Variants in JAKMIP2 observed in about 807,000 individuals in gnomAD.
JAKMIP2 encodes janus kinase and microtubule-interacting protein 2.
A neutral mutation model predicts 115.0 loss-of-function variants in JAKMIP2; 25 were observed. The ratio of observed to expected loss-of-function variants is 0.22; its 90% CI spans 0.16 to 0.30. The LOEUF is 0.30. JAKMIP2 is among the 10% of genes least tolerant of loss of function. JAKMIP2 has a pLI of 1.00. For missense variants in JAKMIP2, 642 were observed against 957.6 expected, an observed-to-expected ratio of 0.67 and a Z score of 4.35; for synonymous variants, 334 against 343.6, an observed-to-expected ratio of 0.97 and a Z score of 0.31.
At chr5:147,615,733 C>G (rs1756536511) in intron 19 of JAKMIP2, among the ~76,000 whole-genome samples, 1 of 152,068 alleles carries the variant, frequency 6.6e-6, no homozygotes, top group Non-Finnish European at 1.5e-5. Context: ...CATTTTATAA[C>G]CATCTATGGG....
Position 147,642,157 on chromosome 5 carries a change from G to A in JAKMIP2, c.1225-393C>T, listed in dbSNP as rs191065272. The stretch of plus-strand genomic sequence containing the variant: ...TACAATTTCACAATAAAGTAAAACC[G>A]TATTCTTTTCATTTAGTCATTTGAA... On this transcript the variant is annotated intron_variant, in intron 7 of 21. Transcript: ENST00000616793. Among the ~76,000 whole-genome samples the A allele has an allele frequency of 2.7e-3, 411 of 152,186 alleles. 1 individual carries two copies. The highest frequency in any genetic ancestry group is 4.3e-3 in the Non-Finnish European group (295 of 67,998).
chr5:147,708,362 TGAA>T (rs1752658110), intron 1 of JAKMIP2, among the ~76,000 whole-genome samples: 2 of 152,170 alleles, frequency 1.3e-5, no homozygotes, highest in South Asian at 4.1e-4. Context: ...CATATAAATC[TGAA>T]CTGGAAGCTC....
At chr5:147,645,177 T>C (rs1758075966) in intron 5 of JAKMIP2, among the ~76,000 whole-genome samples, 181 bp from the exon 6 acceptor site, 1 of 152,150 alleles carries the variant, frequency 6.6e-6, no homozygotes, top group African/African-American at 2.4e-5. Context: ...TCTTTTCAGT[T>C]TTCTCTAACG....
intron 1 of JAKMIP2, among the ~76,000 whole-genome samples, chr5:147,726,135 C>T (rs187529265): frequency 7.6e-4 from 116 of 152,266 alleles, no homozygotes; most frequent in African/African-American, 2.6e-3. Flanking sequence ...CCATCTTGCC[C>T]AGACACCACA....
chr5:147,676,917 C>T (rs975397652), intron 1 of JAKMIP2, among the ~76,000 whole-genome samples: 2 of 152,184 alleles, frequency 1.3e-5, no homozygotes, highest in Admixed American at 6.5e-5. Flanking sequence ...GGTCTAGTTA[C>T]ATCAAAATCT....
rs1485235287 is a variant in JAKMIP2, at chr5:147,702,650, AAGAAAGAAAGAAAGAG to A, written c.-148-30712_-148-30697del. 2.8e-3 allele frequency among the ~76,000 whole-genome samples: 319 copies of A among 111,992 alleles called. 3 individuals are homozygous for A. The highest frequency in any genetic ancestry group is 8.6e-3 in the Middle Eastern group (2 of 232). 73.5% of individuals were successfully genotyped at this position (111,992 alleles called of 152,430 possible). A position where few individuals can be genotyped will look rare whatever the true frequency, so the allele number is the denominator to read the frequency against. ...AAAGAAAGAAAGAAAGAAAGAAAGA[AAGAAAGAAAGAAAGAG>A]AGAGAAAGAAAGAGAAAGAAAGAAA... On this transcript the variant is annotated intron_variant, in intron 1 of 21. Transcript: ENST00000616793.
At chr5:147,721,290 T>C (rs1219508043) in intron 1 of JAKMIP2, among the ~76,000 whole-genome samples, 3 of 152,170 alleles carry the variant, frequency 2.0e-5, no homozygotes, top group Non-Finnish European at 2.9e-5. Context: ...CAGAGGTTAC[T>C]GCTGTCTTTT....
intron 1 of JAKMIP2, among the ~76,000 whole-genome samples, chr5:147,729,664 C>T (rs374902486): frequency 1.8e-4 from 27 of 151,790 alleles, no homozygotes; most frequent in East Asian, 1.2e-3. Flanking sequence ...GTCCCAGCTA[C>T]TCGGGAGGCT....
At chr5:147,745,281 C>T (rs11950996) in intron 1 of JAKMIP2, among the ~76,000 whole-genome samples, 21,643 of 152,076 alleles carry the variant, frequency 0.14, 2,315 homozygotes, top group East Asian at 0.39. Flanking sequence ...TATTTTAAGA[C>T]TAAGCTGTCT....
At chr5:147,658,321 G>A (rs920475105) in intron 3 of JAKMIP2, among the ~76,000 whole-genome samples, 24 of 152,134 alleles carry the variant, frequency 1.6e-4, no homozygotes, top group Admixed American at 3.9e-4. Flanking sequence ...GACCCTTATT[G>A]CCTAGATATC....
intron 1 of JAKMIP2, among the ~76,000 whole-genome samples, chr5:147,739,660 C>T (rs934917412): frequency 6.6e-6 from 1 of 152,010 alleles, no homozygotes; most frequent in Admixed American, 6.5e-5. Flanking sequence ...GAAGCAGCAT[C>T]ATGGTTCAAG....
At chr5:147,675,682 G>C (rs1180757782) in intron 1 of JAKMIP2, among the ~76,000 whole-genome samples, 2 of 151,726 alleles carry the variant, frequency 1.3e-5, no homozygotes, top group African/African-American at 4.8e-5. Context: ...AGCTCTCTCA[G>C]CCCTAGGCAA....
At chr5:147,599,344 T>C (rs112617547) in intron 21 of JAKMIP2, among the ~76,000 whole-genome samples, 2,773 of 152,318 alleles carry the variant, frequency 0.018, 41 homozygotes, top group Non-Finnish European at 0.031. Context: ...ATAAACTGCC[T>C]ATCATCACAC....
intron 16 of JAKMIP2, among the ~76,000 whole-genome samples, chr5:147,625,496 T>C (rs1179987723): frequency 1.3e-5 from 2 of 152,192 alleles, no homozygotes; most frequent in Non-Finnish European, 2.9e-5. Context: ...CTGTCAATCA[T>C]GGGTTTTGTG....
rs746793113 is a variant in JAKMIP2, at chr5:147,633,694, A to ATTT, written c.1678-919_1678-917dup. Among the ~76,000 whole-genome samples, 91 of 133,714 alleles carry ATTT rather than the reference A, an allele frequency of 6.8e-4. 1 individual carries two copies. Among genetic ancestry groups the ATTT allele is most frequent in the South Asian group, 2.4e-3 (10 of 4,154 alleles). The allele number at this position is 133,714 out of a possible 152,430, so 87.7% of individuals were successfully genotyped here. ...GGGTTCATGTCTGAGTTATCTTTGG[A>ATTT]TTTTTTTTTTTTTTTTTTGAGATGA... is the stretch of plus-strand genomic sequence containing the variant. On this transcript the variant is annotated intron_variant, in intron 12 of 21. Transcript: ENST00000616793.
intron 1 of JAKMIP2, among the ~76,000 whole-genome samples, chr5:147,753,950 C>T (rs1198528006): frequency 6.6e-6 from 1 of 152,024 alleles, no homozygotes; most frequent in Non-Finnish European, 1.5e-5. Flanking sequence ...GTCTGAGTGG[C>T]TAATGAATTC....
chr5:147,671,890 G>A lies in JAKMIP2; in HGVS notation c.-84C>T, dbSNP rs1232581412. 4.2e-6 allele frequency: 6 copies of A among 1,417,896 alleles called. No homozygotes were observed. Among genetic ancestry groups the A allele is most frequent in the Non-Finnish European group, 5.6e-6 (6 of 1,074,706 alleles). 87.8% of individuals were successfully genotyped at this position (1,417,896 alleles called of 1,614,324 possible). A position where few individuals can be genotyped will look rare whatever the true frequency, so the allele number is the denominator to read the frequency against. The stretch of plus-strand genomic sequence containing the variant: ...GTTACTGTTTCTTATCCTGGAGTAC[G>A]ATGTCTCAGCATCTACTGTGTGGTG... On this transcript the variant is annotated 5_prime_UTR_variant, in exon 2 of 22. Coordinates refer to ENST00000616793, the MANE Select transcript of JAKMIP2 (RefSeq NM_001270941.2).
At chr5:147,781,680 T>C (rs748641550) in intron 1 of JAKMIP2, among the ~76,000 whole-genome samples, 1 of 152,162 alleles carries the variant, frequency 6.6e-6, no homozygotes, top group Non-Finnish European at 1.5e-5. Context: ...AATTTCACAT[T>C]AATCCAAATA....
intron 2 of JAKMIP2, among the ~76,000 whole-genome samples, chr5:147,669,756 C>T (rs1299270570): frequency 3.3e-5 from 5 of 152,190 alleles, no homozygotes; most frequent in Non-Finnish European, 5.9e-5. Context: ...TGGAATCTTA[C>T]AGCGAGTGTT....
Sources: allele counts gnomAD v4.1 joint callset (sites outside exome capture counted in the v4.1 genomes callset), GRCh38; gene constraint gnomAD v4.1.1; transcripts MANE v1.5; gene names NCBI Gene and HGNC (gene_info 2026-07-23, HGNC 2026-07-21).